ADCY8: variants seen among roughly 807,000 people sequenced by gnomAD.
The protein encoded by ADCY8 is adenylate cyclase type 8.
In ADCY8, 51 loss-of-function variants were observed where a neutral mutation model predicts 119.7. That is an observed-to-expected ratio of 0.43 (90% CI 0.34 to 0.54). The LOEUF (loss-of-function observed/expected upper bound fraction) is 0.54, where lower values mean the gene tolerates loss of function less well. ADCY8 is among the 20% of genes least tolerant of loss of function. The pLI is 0.03. For synonymous variants in ADCY8, 665 were observed against 651.0 expected (o/e 1.02, Z -0.33); for missense variants, 1,383 against 1,598.8 (o/e 0.87, Z 2.30).
rs578007881 is a variant in ADCY8 at position 130,917,339 on chromosome 8, A to G, written c.1482-7473T>C. 5.3e-5 allele frequency among the ~76,000 whole-genome samples: 8 copies of G among 152,334 alleles called. No homozygotes were observed. The East Asian group carries it at 1.5e-3, about 29-fold the overall frequency. Reference sequence around the variant, plus strand: ...CATGGAGCTTACATCAATGTGGTTTATTCCCATTTTACAACCAAGGAAGCT... The same window carrying G: ...CATGGAGCTTACATCAATGTGGTTTGTTCCCATTTTACAACCAAGGAAGCT... On this transcript the variant is annotated intron_variant, in intron 5 of 17. Coordinates refer to ENST00000286355, the MANE Select transcript of ADCY8 (RefSeq NM_001115.3).
chr8:130,793,899 C>A (rs1815499462), intron 15 of ADCY8, among the ~76,000 whole-genome samples: 1 of 152,198 alleles, frequency 6.6e-6, no homozygotes, highest in African/African-American at 2.4e-5. Flanking sequence ...CATGTCCTCA[C>A]AGACTCTCAG....
intron 9 of ADCY8, among the ~76,000 whole-genome samples, chr8:130,856,754 T>C (rs892438164): frequency 2.0e-5 from 3 of 152,086 alleles, no homozygotes; most frequent in South Asian, 2.1e-4. Flanking sequence ...CAGATACATA[T>C]ATATTCCTTA....
At chr8:130,956,168 A>AAACAAAC in intron 2 of ADCY8, among the ~76,000 whole-genome samples, 1 of 152,236 alleles carries the variant, frequency 6.6e-6, no homozygotes, top group East Asian at 1.9e-4. Context: ...AACAAACAAA[A>AAACAAAC]AAATCTGTGG....
chr8:130,792,669 C>T (rs1815460592), intron 15 of ADCY8, among the ~76,000 whole-genome samples: 1 of 152,202 alleles, frequency 6.6e-6, no homozygotes, highest in Admixed American at 6.5e-5. Context: ...TGTCTCATCA[C>T]CTCCTTGGTC....
At chr8:131,029,398 T>C (rs1823926655) in intron 1 of ADCY8, among the ~76,000 whole-genome samples, 1 of 152,322 alleles carries the variant, frequency 6.6e-6, no homozygotes, top group East Asian at 1.9e-4. Flanking sequence ...TTATCTTCCA[T>C]GAAACCATTC....
At chr8:130,791,019 G>A (rs1276619212) in intron 15 of ADCY8, among the ~76,000 whole-genome samples, 3 of 152,176 alleles carry the variant, frequency 2.0e-5, no homozygotes, top group East Asian at 1.9e-4. Flanking sequence ...ATGGGCCAAC[G>A]GCTAGAACAT....
chr8:130,951,746 TAATC>T, intron 3 of ADCY8, 118 bp downstream of exon 3: 1 of 1,216,938 alleles, frequency 8.2e-7, no homozygotes, highest in South Asian at 1.6e-5. Flanking sequence ...GGTAATGAAT[TAATC>T]AACCAGATGA....
chr8:131,022,260 C>T (rs1218567280), intron 1 of ADCY8, among the ~76,000 whole-genome samples: 1 of 152,170 alleles, frequency 6.6e-6, no homozygotes, highest in Non-Finnish European at 1.5e-5. Flanking sequence ...TCTTCTAAAG[C>T]TATCCCTCCC....
At chr8:130,936,451 C>T (rs6470864) in intron 5 of ADCY8, among the ~76,000 whole-genome samples, 5,958 of 152,220 alleles carry the variant, frequency 0.039, 377 homozygotes, top group African/African-American at 0.14. Flanking sequence ...GCTCTGGCTG[C>T]TGCCAGCCTA....
At chr8:130,932,952 C>T (rs1481015300) in intron 5 of ADCY8, among the ~76,000 whole-genome samples, 1 of 152,100 alleles carries the variant, frequency 6.6e-6, no homozygotes, top group Non-Finnish European at 1.5e-5. Context: ...ATAGATCTCA[C>T]CTAAACAAGG....
chr8:130,809,866 G>A (rs920675193), intron 14 of ADCY8, among the ~76,000 whole-genome samples: 7 of 152,256 alleles, frequency 4.6e-5, no homozygotes, highest in African/African-American at 1.7e-4. Context: ...CCTGGCTGCT[G>A]TGGCCAGGGA....
chr8:130,849,602 G>A lies in ADCY8; in HGVS notation c.2412C>T (p.Ile804=), dbSNP rs1433379964. Residue 804 remains isoleucine, a splice_region_variant and synonymous_variant, in exon 10 of 18, where the codon ATC becomes ATT. Transcript: ENST00000286355. ...LINFLGAILN[I]LWCDFDKSIP... The stretch of plus-strand genomic sequence containing the variant: ...GGGTTGGTGGATGTGGGATGCTTAC[G>A]ATATTTAAGATGGCACCCAGGAAAT... 8.1e-6 allele frequency: 13 copies of A among 1,613,734 alleles called. No homozygotes were observed. The highest frequency in any genetic ancestry group is 1.6e-4 in the Middle Eastern group (1 of 6,082).
intron 5 of ADCY8, among the ~76,000 whole-genome samples, chr8:130,910,134 C>T (rs1819936194): frequency 6.6e-6 from 1 of 151,972 alleles, no homozygotes. Flanking sequence ...CACGCCCGTC[C>T]ACCTCTTCAC....
intron 13 of ADCY8, among the ~76,000 whole-genome samples, chr8:130,819,906 G>A (rs562675665): frequency 1.5e-4 from 23 of 152,328 alleles, no homozygotes; most frequent in African/African-American, 3.4e-4. Flanking sequence ...CACTGTGTTC[G>A]TATGCAGACA....
intron 12 of ADCY8, among the ~76,000 whole-genome samples, chr8:130,828,337 C>A (rs943784298): frequency 1.3e-5 from 2 of 152,216 alleles, no homozygotes; most frequent in African/African-American, 4.8e-5. Context: ...GAGGGTCCCC[C>A]CCACCCACAG....
chr8:130,845,455 A>C (rs1484630136), intron 11 of ADCY8, among the ~76,000 whole-genome samples: 1 of 152,176 alleles, frequency 6.6e-6, no homozygotes, highest in African/African-American at 2.4e-5. Flanking sequence ...CAGAGAGGGT[A>C]AGAACTGATT....
chr8:130,833,928 G>C (rs975142104), intron 12 of ADCY8, among the ~76,000 whole-genome samples: 1 of 152,010 alleles, frequency 6.6e-6, no homozygotes, highest in East Asian at 1.9e-4. Flanking sequence ...TTAGTCAAAG[G>C]ATACAAAATT....
chr8:130,821,556 G>C (rs1447545291), intron 12 of ADCY8, 136 bp from the exon 13 acceptor site: 5 of 643,436 alleles, frequency 7.8e-6, no homozygotes, highest in Non-Finnish European at 1.4e-5. Context: ...GATAGTGGCT[G>C]CTCTAAGGGT....
At chr8:130,984,758 C>T (rs920035848) in intron 2 of ADCY8, among the ~76,000 whole-genome samples, 4 of 151,978 alleles carry the variant, frequency 2.6e-5, no homozygotes, top group Admixed American at 6.6e-5. Flanking sequence ...CAGGTACAAG[C>T]GTGTATCACA....
Sources: allele counts gnomAD v4.1 joint callset (sites outside exome capture counted in the v4.1 genomes callset), GRCh38; gene constraint gnomAD v4.1.1; transcripts MANE v1.5; gene names NCBI Gene and HGNC (gene_info 2026-07-23, HGNC 2026-07-21).